The following PDE7A variants were observed in gnomAD, a reference collection of about 807,000 sequenced individuals.
PDE7A encodes high affinity 3',5'-cyclic-AMP phosphodiesterase 7A.
A neutral mutation model predicts 64.3 loss-of-function variants in PDE7A; 39 were observed. The ratio of observed to expected loss-of-function variants is 0.61; its 90% CI spans 0.47 to 0.79. The LOEUF (loss-of-function observed/expected upper bound fraction) is 0.79. Among genes scored for constraint, PDE7A ranks in the 30% least tolerant of loss-of-function variants. PDE7A has a pLI of 0.00. For synonymous variants in PDE7A, 203 were observed against 206.8 expected (o/e 0.98, Z 0.16); for missense variants, 470 against 582.8 (o/e 0.81, Z 1.99).
At chr8:65,776,166 G>T (rs1209540958) in intron 3 of PDE7A, among the ~76,000 whole-genome samples, 2 of 151,698 alleles carry the variant, frequency 1.3e-5, no homozygotes, top group East Asian at 3.9e-4. Flanking sequence ...GTGTGAACAG[G>T]GTCCAAGATT....
chr8:65,822,115 C>T (rs1364597775), intron 1 of PDE7A, among the ~76,000 whole-genome samples: 4 of 152,310 alleles, frequency 2.6e-5, no homozygotes, highest in African/African-American at 7.2e-5. Context: ...CTATAGTCAT[C>T]CTGCTACTCA....
intron 1 of PDE7A, chr8:65,788,745 G>A (rs1203373529): frequency 2.6e-5 from 14 of 543,892 alleles, no homozygotes; most frequent in East Asian, 5.8e-5. Context: ...CCCTTTGGTC[G>A]ACAGATGAAA....
intron 7 of PDE7A, among the ~76,000 whole-genome samples, chr8:65,733,661 G>A (rs1486576041): frequency 1.3e-5 from 2 of 152,070 alleles, no homozygotes; most frequent in Non-Finnish European, 2.9e-5. Flanking sequence ...GTATACATTT[G>A]TCAAAACCGT....
At chr8:65,755,398 G>A (rs1808179137) in intron 3 of PDE7A, among the ~76,000 whole-genome samples, 1 of 151,980 alleles carries the variant, frequency 6.6e-6, no homozygotes. Context: ...CTCCTTTCCT[G>A]TTTTGTGTAT....
At chr8:65,805,547 A>G (rs1256658981) in intron 1 of PDE7A, among the ~76,000 whole-genome samples, 1 of 152,134 alleles carries the variant, frequency 6.6e-6, no homozygotes, top group Admixed American at 6.6e-5. Context: ...CAGTTTATCT[A>G]TTTCCTGTGT....
At chr8:65,791,471 C>G (rs1032843599) in intron 1 of PDE7A, among the ~76,000 whole-genome samples, 1 of 152,192 alleles carries the variant, frequency 6.6e-6, no homozygotes, top group African/African-American at 2.4e-5. Flanking sequence ...TCCAGCTTCA[C>G]CTTAACTCTA....
At position 65,719,333 on chromosome 8, in the gene PDE7A, T is replaced by C. The variant is rs1435711307; in HGVS notation, c.1406A>G (p.Glu469Gly). 2 of 1,614,112 alleles carry C rather than the reference T, an allele frequency of 1.2e-6. No individual in the cohort carries two copies. Among genetic ancestry groups the C allele is most frequent in the Admixed American group, 1.7e-5 (1 of 60,020 alleles). The change falls in exon 13 of 13, where the codon GAG becomes GGG. Residue 469 changes from glutamate (E) to glycine (G), a missense_variant. By Grantham distance (98) the Glu-to-Gly change is moderately conservative (BLOSUM62 -2). Coordinates refer to ENST00000401827, the MANE Select transcript of PDE7A (RefSeq NM_001242318.3). ...SSSEDTDAAF[E>G]LNSQLLPQEN... Reference sequence around the variant, plus strand: ...CTGAGGTAATAACTGTGAGTTCAACTCAAATGCAGCATCAGTGTCCTCACT... The same window carrying C: ...CTGAGGTAATAACTGTGAGTTCAACCCAAATGCAGCATCAGTGTCCTCACT...
chr8:65,759,605 T>C (rs1808399279), intron 3 of PDE7A, among the ~76,000 whole-genome samples: 1 of 152,232 alleles, frequency 6.6e-6, no homozygotes, highest in Non-Finnish European at 1.5e-5. Flanking sequence ...GCTGAAATAG[T>C]TGATTCTGGT....
chr8:65,818,627 T>C (rs940544634), intron 1 of PDE7A, among the ~76,000 whole-genome samples: 3 of 152,182 alleles, frequency 2.0e-5, no homozygotes, highest in African/African-American at 7.2e-5. Flanking sequence ...TGTTTTCAAG[T>C]TTGCTCTGAG....
chr8:65,780,033 T>A (rs1339559375), intron 2 of PDE7A, among the ~76,000 whole-genome samples: 1 of 152,052 alleles, frequency 6.6e-6, no homozygotes, highest in African/African-American at 2.4e-5. Flanking sequence ...CCTATAATAA[T>A]TATTATAATC....
At chr8:65,723,958 C>T (rs1282773163) in intron 11 of PDE7A, among the ~76,000 whole-genome samples, 1 of 152,152 alleles carries the variant, frequency 6.6e-6, no homozygotes, top group Non-Finnish European at 1.5e-5. Context: ...TATGGCCCTC[C>T]ACACACGACA....
intron 1 of PDE7A, among the ~76,000 whole-genome samples, chr8:65,830,160 C>G (rs886677758): frequency 2.6e-5 from 4 of 152,024 alleles, no homozygotes; most frequent in Non-Finnish European, 4.4e-5. Context: ...CTAAAAATAT[C>G]CAGGTGGACA....
rs183271138 is a variant in PDE7A at position 65,804,064 on chromosome 8, A to T, written c.139-21221T>A. ...ATATGGTAAGAAAAATCTATATGACAAAGGTTTAAAAGGGGACACAGCAAA... is the reference window on the plus strand; with the variant it reads ...ATATGGTAAGAAAAATCTATATGACTAAGGTTTAAAAGGGGACACAGCAAA... On this transcript the variant is annotated intron_variant, in intron 1 of 12. Coordinates refer to ENST00000401827, the MANE Select transcript of PDE7A (RefSeq NM_001242318.3). Among the ~76,000 whole-genome samples the T allele has an allele frequency of 3.3e-5, 5 of 152,344 alleles. No homozygotes were observed. The East Asian group carries it at 9.6e-4, about 29-fold the overall frequency.
Position 65,763,958 on chromosome 8 carries a change from T to C in PDE7A, c.283+15762A>G, listed in dbSNP as rs74432099. On this transcript the variant is annotated intron_variant, in intron 3 of 12. Coordinates refer to ENST00000401827, the MANE Select transcript of PDE7A (RefSeq NM_001242318.3). ...ATTTAGAAGACAGAACATTCTGTTC[T>C]TTCAACTTTAGGACAAACAAGAAAC... Among the ~76,000 whole-genome samples the C allele has an allele frequency of 2.4e-3, 365 of 152,356 alleles. 1 individual carries two copies. Among genetic ancestry groups the C allele is most frequent in the African/African-American group, 8.4e-3 (350 of 41,590 alleles).
intron 4 of PDE7A, among the ~76,000 whole-genome samples, chr8:65,747,205 C>A (rs78482066): frequency 0.041 from 6,260 of 152,114 alleles, 177 homozygotes; most frequent in Non-Finnish European, 0.061. Flanking sequence ...CACACACACA[C>A]AAAAAAGAGA....
intron 1 of PDE7A, among the ~76,000 whole-genome samples, chr8:65,791,985 C>G (rs918204383): frequency 5.3e-5 from 8 of 151,992 alleles, no homozygotes; most frequent in Admixed American, 5.2e-4. Context: ...AAAACAAATG[C>G]TGTTTCAAAT....
rs541675665 is a variant in PDE7A, at chr8:65,788,613, A to C, written c.139-5770T>G. 3.3e-5 allele frequency among the ~76,000 whole-genome samples: 5 copies of C among 152,340 alleles called. No individual in the cohort carries two copies. The South Asian group carries it at 1.0e-3, about 32-fold the overall frequency. Reference sequence around the variant, plus strand: ...AAAAGTTAAACTTCTTTAGTCATAAAAACTTCTTTAAGGCAGTGATACTGA... The same window carrying C: ...AAAAGTTAAACTTCTTTAGTCATAACAACTTCTTTAAGGCAGTGATACTGA... On this transcript the variant is annotated intron_variant, in intron 1 of 12. Coordinates refer to ENST00000401827, the MANE Select transcript of PDE7A (RefSeq NM_001242318.3).
At chr8:65,819,877 A>T (rs751908867) in intron 1 of PDE7A, among the ~76,000 whole-genome samples, 1 of 152,198 alleles carries the variant, frequency 6.6e-6, no homozygotes, top group Non-Finnish European at 1.5e-5. Context: ...CAATGTGAGT[A>T]AAAGAAATAG....
At chr8:65,753,052 T>C (rs1808042716) in intron 3 of PDE7A, among the ~76,000 whole-genome samples, 1 of 152,228 alleles carries the variant, frequency 6.6e-6, no homozygotes, top group South Asian at 2.1e-4. Flanking sequence ...TGCTTTATGG[T>C]AAAGCTATTG....
Sources: allele counts gnomAD v4.1 joint callset (sites outside exome capture counted in the v4.1 genomes callset), GRCh38; gene constraint gnomAD v4.1.1; transcripts MANE v1.5; gene names NCBI Gene and HGNC (gene_info 2026-07-23, HGNC 2026-07-21).